Variants in NLGN1 observed in about 807,000 individuals in gnomAD.
NLGN1 encodes neuroligin 1, also known as neuroligin-1.
A neutral mutation model predicts 65.5 loss-of-function variants in NLGN1; 12 were observed. The observed-to-expected ratio is 0.18, with a 90% CI of 0.12 to 0.30. NLGN1 has a LOEUF of 0.30. Ranked by LOEUF, NLGN1 falls within the 10% of genes least tolerant of loss-of-function variation. The probability of loss-of-function intolerance (pLI) is 1.00; values close to 1 mark genes in which losing one functional copy is unlikely to be tolerated. For synonymous variants in NLGN1, 350 were observed against 359.5 expected (o/e 0.97, Z 0.30); for missense variants, 750 against 1,007.1 (o/e 0.74, Z 3.46).
intron 4 of NLGN1, among the ~76,000 whole-genome samples, chr3:173,923,476 C>T (rs965831824): frequency 6.6e-6 from 1 of 152,086 alleles, no homozygotes. Context: ...TTTAGAAGGG[C>T]ACTTCATAAA....
In NLGN1 at chr3:173,978,834, T is replaced by TAAA. The variant is rs34496124; in HGVS notation, c.646+171024_646+171026dup. On this transcript the variant is annotated intron_variant, in intron 4 of 6. Coordinates refer to ENST00000457714, the Ensembl canonical transcript of NLGN1. ...AACATGGTGAAACCCCTTCTCTAATTAAAAAAAAAAAAAAAAAAAAAAAAT... is the reference window on the plus strand; with the variant it reads ...AACATGGTGAAACCCCTTCTCTAATTAAAAAAAAAAAAAAAAAAAAAAAAAAAT... Among the ~76,000 whole-genome samples, 1,013 of 111,196 alleles carry TAAA rather than the reference T, an allele frequency of 9.1e-3. 19 individuals carry two copies. Among genetic ancestry groups the TAAA allele is most frequent in the African/African-American group, 0.032 (962 of 29,638 alleles). 72.9% of individuals were successfully genotyped at this position (111,196 alleles called of 152,430 possible).
chr3:174,118,787 G>A (rs1242300825), intron 4 of NLGN1, among the ~76,000 whole-genome samples: 1 of 152,098 alleles, frequency 6.6e-6, no homozygotes, highest in African/African-American at 2.4e-5. Context: ...CATCCAAGTA[G>A]AATGCAAATT....
chr3:173,935,593 TAC>T lies in NLGN1; in HGVS notation c.646+127790_646+127791del, dbSNP rs769538665. On this transcript the variant is annotated intron_variant, in intron 4 of 6. Transcript: ENST00000457714. ...CCATTTGTCATGAGAATATACAGTC[TAC>T]ACACACACACACACACACACACACA... Among the ~76,000 whole-genome samples, 233 of 142,750 alleles carry T rather than the reference TAC, an allele frequency of 1.6e-3. 2 individuals carry two copies. The East Asian group carries it at 0.022, about 14-fold the overall frequency. The allele number at this position is 142,750 out of a possible 152,430, so 93.6% of individuals were successfully genotyped here.
chr3:174,066,916 A>G (rs1235767370), intron 4 of NLGN1, among the ~76,000 whole-genome samples: 2 of 152,226 alleles, frequency 1.3e-5, no homozygotes, highest in East Asian at 3.9e-4. Context: ...CAATGAAACT[A>G]AAGTGTTTTT....
intron 1 of NLGN1, among the ~76,000 whole-genome samples, chr3:173,430,017 G>A (rs561393874): frequency 1.3e-5 from 2 of 152,198 alleles, no homozygotes; most frequent in South Asian, 2.1e-4. Context: ...TTCACCCTAC[G>A]GGCATTTATG....
At chr3:173,946,390 G>T (rs1005448192) in intron 4 of NLGN1, among the ~76,000 whole-genome samples, 1 of 152,002 alleles carries the variant, frequency 6.6e-6, no homozygotes, top group Non-Finnish European at 1.5e-5. Context: ...TATTATTTTT[G>T]TAGCATGTAT....
At chr3:173,418,934 C>T (rs901404445) in intron 1 of NLGN1, among the ~76,000 whole-genome samples, 1 of 151,022 alleles carries the variant, frequency 6.6e-6, no homozygotes, top group African/African-American at 2.4e-5. Flanking sequence ...TTGAATGTGG[C>T]CCATCACAAA....
rs575408073 is a variant in NLGN1, at chr3:173,500,212, T to C, written c.-321+65134T>C. ...TTTGTCATAGATAGCTCTTATTATT[T>C]TGAGATACATCCCATGAATACCTAA... On this transcript the variant is annotated intron_variant, in intron 2 of 6. Coordinates refer to ENST00000457714, the Ensembl canonical transcript of NLGN1. Among the ~76,000 whole-genome samples the C allele has an allele frequency of 3.3e-5, 5 of 152,234 alleles. No homozygotes were observed. In the South Asian group the frequency reaches 1.0e-3, roughly 32 times the overall value.
At chr3:173,542,631 TTTTTG>T (rs1440276539) in intron 2 of NLGN1, among the ~76,000 whole-genome samples, 1 of 152,020 alleles carries the variant, frequency 6.6e-6, no homozygotes, top group Non-Finnish European at 1.5e-5. Context: ...AAACTTCTGT[TTTTTG>T]TTTTGTTTTG....
intron 4 of NLGN1, among the ~76,000 whole-genome samples, chr3:174,154,788 T>C (rs1379131584): frequency 3.3e-5 from 5 of 150,120 alleles, no homozygotes; most frequent in African/African-American, 1.2e-4. Flanking sequence ...TGTGTATTTA[T>C]AGTATATATG....
intron 4 of NLGN1, among the ~76,000 whole-genome samples, chr3:174,255,028 TAAAC>T (rs1745421275): frequency 6.6e-6 from 1 of 152,184 alleles, no homozygotes; most frequent in Non-Finnish European, 1.5e-5. Flanking sequence ...GGGATGGTGT[TAAAC>T]AAATTTCCAA....
At chr3:174,131,084 G>C (rs1211530386) in intron 4 of NLGN1, among the ~76,000 whole-genome samples, 1 of 152,074 alleles carries the variant, frequency 6.6e-6, no homozygotes, top group African/African-American at 2.4e-5. Flanking sequence ...CATCTCTCTA[G>C]TAAGCCAGGT....
intron 2 of NLGN1, among the ~76,000 whole-genome samples, chr3:173,501,128 T>C (rs1450124923): frequency 6.6e-6 from 1 of 152,150 alleles, no homozygotes; most frequent in Non-Finnish European, 1.5e-5. Context: ...TTATTTTAAG[T>C]TCCAGATACA....
chr3:173,553,525 C>A (rs1461718034), intron 2 of NLGN1, among the ~76,000 whole-genome samples: 1 of 152,170 alleles, frequency 6.6e-6, no homozygotes, highest in Non-Finnish European at 1.5e-5. Flanking sequence ...TACCCAATAT[C>A]TGTCATGGGC....
chr3:174,037,701 A>G (rs1487937127), intron 4 of NLGN1, among the ~76,000 whole-genome samples: 1 of 152,220 alleles, frequency 6.6e-6, no homozygotes, highest in African/African-American at 2.4e-5. Flanking sequence ...ACTTAATTTT[A>G]AAAGAATAAA....
intron 1 of NLGN1, among the ~76,000 whole-genome samples, chr3:173,416,949 T>C (rs1486244776): frequency 3.9e-5 from 6 of 152,182 alleles, no homozygotes; most frequent in Non-Finnish European, 1.5e-5. Context: ...ATGATCAAAC[T>C]GTAATATTCA....
chr3:174,130,950 T>A (rs73880359), intron 4 of NLGN1, among the ~76,000 whole-genome samples: 3,633 of 152,186 alleles, frequency 0.024, 163 homozygotes, highest in African/African-American at 0.082. Context: ...ATAAAAAAAA[T>A]TGTCACAGGG....
chr3:174,267,941 CAT>C (rs1214061324), intron 4 of NLGN1, among the ~76,000 whole-genome samples: 1 of 152,092 alleles, frequency 6.6e-6, no homozygotes, highest in Admixed American at 6.6e-5. Context: ...CACACACACA[CAT>C]AGTTTACAAT....
At chr3:173,978,211 A>G (rs1717946502) in intron 4 of NLGN1, among the ~76,000 whole-genome samples, 1 of 152,144 alleles carries the variant, frequency 6.6e-6, no homozygotes. Flanking sequence ...AGACAGTGCC[A>G]CTAAGGACCA....
Sources: allele counts gnomAD v4.1 joint callset (sites outside exome capture counted in the v4.1 genomes callset), GRCh38; gene constraint gnomAD v4.1.1; transcripts MANE v1.5; gene names NCBI Gene and HGNC (gene_info 2026-07-23, HGNC 2026-07-21).